ZNF610: variants seen among roughly 807,000 people sequenced by gnomAD.
ZNF610 encodes zink finger protein.
ZNF610 carries 14 observed loss-of-function variants against 14.1 expected under a neutral mutation model. The observed-to-expected ratio is 0.99, with a 90% CI of 0.65 to 1.55. ZNF610 has a LOEUF of 1.55. ZNF610 is among the 40% of genes most tolerant of loss of function. The probability of loss-of-function intolerance (pLI) is 0.00; values close to 1 mark genes in which losing one functional copy is unlikely to be tolerated. For missense variants in ZNF610, 530 were observed against 558.0 expected, an observed-to-expected ratio of 0.95 and a Z score of 0.51; for synonymous variants, 185 against 187.6, an observed-to-expected ratio of 0.99 and a Z score of 0.11.
intron 5 of ZNF610, among the ~76,000 whole-genome samples, chr19:52,357,644 CAAAAAAAAAAAAAAAA>C (rs71180445): frequency 1.7e-5 from 1 of 57,544 alleles, no homozygotes; most frequent in East Asian, 4.7e-4. Context: ...GCCTCCATCT[CAAAAAAAAAAAAAAAA>C]AAAAAAAAAA....
intron 1 of ZNF610, among the ~76,000 whole-genome samples, chr19:52,340,552 G>C (rs1199219673): frequency 6.6e-6 from 1 of 152,122 alleles, no homozygotes; most frequent in African/African-American, 2.4e-5. Context: ...GGAATGATCT[G>C]TCCCTGCTCC....
Position 52,365,690 on chromosome 19 carries a change from T to C in ZNF610, c.320-8T>C. On this transcript the variant is annotated splice_region_variant and splice_polypyrimidine_tract_variant and intron_variant, in intron 5 of 5. Coordinates refer to ENST00000403906, the MANE Select transcript of ZNF610 (RefSeq NM_001161425.2). Reference sequence around the variant, plus strand: ...TGGGTTCATGTTCTACTCTTTCTTCTTTTCTAGGGAGGAGCTGTGTATTGG... The same window carrying C: ...TGGGTTCATGTTCTACTCTTTCTTCCTTTCTAGGGAGGAGCTGTGTATTGG... 13 of 1,587,164 alleles carry C rather than the reference T, an allele frequency of 8.2e-6. No individual in the cohort carries two copies. The highest frequency in any genetic ancestry group is 1.1e-5 in the Non-Finnish European group (13 of 1,169,790).
intron 5 of ZNF610, among the ~76,000 whole-genome samples, chr19:52,360,553 T>C (rs531074185): frequency 6.6e-6 from 1 of 152,364 alleles, no homozygotes; most frequent in Admixed American, 6.5e-5. Flanking sequence ...GCTTTTTATA[T>C]AAGGCTTCTG....
In ZNF610 at chr19:52,354,347, A is replaced by G. The variant is rs775330474; in HGVS notation, c.287A>G (p.Asp96Gly). ...QSQVKIVKNT[D>G]GRECVRSVNT... The stretch of plus-strand genomic sequence containing the variant: ...CAAGTTAAAATAGTAAAAAATACAG[A>G]TGGAAGGGAATGTGTCAGAAGCGTG... Residue 96 changes from aspartate (D) to glycine (G), a missense_variant, in exon 5 of 6, where the codon GAT becomes GGT. Coordinates refer to ENST00000403906, the MANE Select transcript of ZNF610 (RefSeq NM_001161425.2). The G allele has an allele frequency of 5.0e-6, 8 of 1,613,998 alleles. No individual in the cohort carries two copies. The highest frequency in any genetic ancestry group is 1.7e-5 in the Admixed American group (1 of 59,992).
At chr19:52,351,095 G>A (rs321950) in intron 3 of ZNF610, among the ~76,000 whole-genome samples, 118,584 of 152,154 alleles carry the variant, frequency 0.78, 46,473 homozygotes, top group South Asian at 0.88. Flanking sequence ...AAATTTGCAT[G>A]TTTTCATGTT....
chr19:52,333,890 A>G (rs1422943438), upstream of ZNF610, among the ~76,000 whole-genome samples: 1 of 152,220 alleles, frequency 6.6e-6, no homozygotes, highest in African/African-American at 2.4e-5. Flanking sequence ...TGCTTGCTAA[A>G]AGAGTCCTAA....
At chr19:52,337,708 T>G (rs1459797721) in intron 1 of ZNF610, among the ~76,000 whole-genome samples, 1 of 152,160 alleles carries the variant, frequency 6.6e-6, no homozygotes, top group Non-Finnish European at 1.5e-5. Flanking sequence ...ACTATTATGA[T>G]CAAATTGTGA....
rs954784761 is a variant in ZNF610, at chr19:52,345,780, C to T, written c.-257-1927C>T. ...AGTGCAGTGGGGTGATCTCGACTCA[C>T]TGCAAGCTCCGTCTCCCGGGTTCAC... On this transcript the variant is annotated intron_variant, in intron 1 of 5. Coordinates refer to ENST00000403906, the MANE Select transcript of ZNF610 (RefSeq NM_001161425.2). Among the ~76,000 whole-genome samples the T allele has an allele frequency of 4.7e-4, 72 of 151,992 alleles. 2 individuals are homozygous for T. The highest frequency in any genetic ancestry group is 3.9e-3 in the Admixed American group (60 of 15,240).
rs1984954387 is a variant in ZNF610 at position 52,346,312 on chromosome 19, G to A, written c.-257-1395G>A. ...CCTGAGTAGCTGGGATTACAGGCAT[G>A]CGCCACCATGCCCAGCTAATTTTTG... On this transcript the variant is annotated intron_variant, in intron 1 of 5. Transcript: ENST00000403906. 1.3e-5 allele frequency among the ~76,000 whole-genome samples: 2 copies of A among 150,754 alleles called. 1 individual carries two copies. Among genetic ancestry groups the A allele is most frequent in the African/African-American group, 4.9e-5 (2 of 40,408 alleles).
chr19:52,333,646 A>C (rs368159733), upstream of ZNF610, among the ~76,000 whole-genome samples: 614 of 152,342 alleles, frequency 4.0e-3, 8 homozygotes, highest in African/African-American at 0.014. Flanking sequence ...GAAGGGAGAG[A>C]GATTACAGAG....
chr19:52,367,215 C>G lies in ZNF610; in HGVS notation c.*448C>G, dbSNP rs1253679745. 1 of 153,978 alleles carries G rather than the reference C, an allele frequency of 6.5e-6. No homozygotes were observed. The highest frequency in any genetic ancestry group is 1.4e-5 in the Non-Finnish European group (1 of 69,454). 9.5% of individuals were successfully genotyped at this position (153,978 alleles called of 1,614,324 possible). A position where few individuals can be genotyped will look rare whatever the true frequency, so the allele number is the denominator to read the frequency against. On this transcript the variant is annotated 3_prime_UTR_variant, in exon 6 of 6. Coordinates refer to ENST00000403906, the MANE Select transcript of ZNF610 (RefSeq NM_001161425.2). The stretch of plus-strand genomic sequence containing the variant: ...CTTGGCTCACTGCAACCTCCGTCTC[C>G]CGGATTCAAGCAATTCTCCTGCCTC...
At chr19:52,365,013 A>G (rs1985949477) in intron 5 of ZNF610, among the ~76,000 whole-genome samples, 1 of 151,884 alleles carries the variant, frequency 6.6e-6, no homozygotes, top group African/African-American at 2.4e-5. Flanking sequence ...TGGGAGACCA[A>G]GGCAGGCAGA....
intron 2 of ZNF610, among the ~76,000 whole-genome samples, chr19:52,348,931 C>T (rs551012310): frequency 2.6e-5 from 4 of 152,234 alleles, no homozygotes; most frequent in East Asian, 1.9e-4. Flanking sequence ...ACTGCTGTAG[C>T]GTGTGTGCGG....
At chr19:52,358,914 C>A (rs573553990) in intron 5 of ZNF610, among the ~76,000 whole-genome samples, 171 of 152,312 alleles carry the variant, frequency 1.1e-3, no homozygotes, top group African/African-American at 4.0e-3. Flanking sequence ...TGTCCTCTCT[C>A]GTTACATGGT....
rs530307803 is a variant in ZNF610 at position 52,356,795 on chromosome 19, C to A, written c.319+2416C>A. ...GTTGCCATCTTAATCTCAGAAATACCATTACACTGACTTGCCGTAATTTGT... is the reference window on the plus strand; with the variant it reads ...GTTGCCATCTTAATCTCAGAAATACAATTACACTGACTTGCCGTAATTTGT... On this transcript the variant is annotated intron_variant, in intron 5 of 5. Transcript: ENST00000403906. Among the ~76,000 whole-genome samples the A allele has an allele frequency of 3.3e-5, 5 of 152,156 alleles. No individual in the cohort carries two copies. In the South Asian group the frequency reaches 1.0e-3, roughly 32 times the overall value.
upstream of ZNF610, among the ~76,000 whole-genome samples, chr19:52,333,483 ATG>A (rs1255380859): frequency 1.3e-5 from 2 of 152,194 alleles, no homozygotes; most frequent in African/African-American, 4.8e-5. Flanking sequence ...GCAAAATTTC[ATG>A]TGTTACGTCC....
At chr19:52,340,783 C>T (rs563054922) in intron 1 of ZNF610, among the ~76,000 whole-genome samples, 2 of 152,052 alleles carry the variant, frequency 1.3e-5, no homozygotes, top group African/African-American at 4.8e-5. Flanking sequence ...CGGGTTCAAG[C>T]GATTCTCCTG....
intron 2 of ZNF610, 84 bp from the exon 3 acceptor site, chr19:52,349,070 A>T: frequency 1.1e-6 from 1 of 909,760 alleles, no homozygotes; most frequent in Non-Finnish European, 1.7e-6. Context: ...CCGCAGGATT[A>T]GGTCTAACCT....
chr19:52,331,514 G>A (rs768038329), upstream of ZNF610, among the ~76,000 whole-genome samples: 15 of 152,196 alleles, frequency 9.9e-5, no homozygotes, highest in South Asian at 2.1e-4. Context: ...CCTGTGGGAC[G>A]TGACCAACTC....
Sources: allele counts gnomAD v4.1 joint callset (sites outside exome capture counted in the v4.1 genomes callset), GRCh38; gene constraint gnomAD v4.1.1; transcripts MANE v1.5; gene names NCBI Gene and HGNC (gene_info 2026-07-23, HGNC 2026-07-21).